RALGPS1: variants seen among roughly 807,000 people sequenced by gnomAD.
RALGPS1 encodes the protein Ral GEF with PH domain and SH3 binding motif 1.
RALGPS1 carries 19 observed loss-of-function variants against 78.8 expected under a neutral mutation model. The ratio of observed to expected loss-of-function variants is 0.24; its 90% CI spans 0.17 to 0.35. The LOEUF (loss-of-function observed/expected upper bound fraction) is 0.35, where lower values mean the gene tolerates loss of function less well. Ranked by LOEUF, RALGPS1 falls within the 10% of genes least tolerant of loss-of-function variation. The probability of loss-of-function intolerance (pLI) is 1.00; values close to 1 mark genes in which losing one functional copy is unlikely to be tolerated. For synonymous variants in RALGPS1, 228 were observed against 256.3 expected (o/e 0.89, Z 1.06); for missense variants, 454 against 688.3 (o/e 0.66, Z 3.81).
rs774885766 is a variant in RALGPS1, at chr9:127,108,544, T to A, written c.610+39188T>A. The A allele has an allele frequency of 6.2e-7, 1 of 1,613,440 alleles. No homozygotes were observed. The highest frequency in any genetic ancestry group is 8.5e-7 in the Non-Finnish European group (1 of 1,179,846). On this transcript the variant is annotated intron_variant, in intron 8 of 18. Transcript: ENST00000259351. ...GACGCAGATGGCACCCGTGACCCGC[T>A]GCTGGGGCACAATGAAGGTGTAGGT...
intron 8 of RALGPS1, among the ~76,000 whole-genome samples, chr9:127,128,918 G>A (rs1338799546): frequency 6.6e-6 from 1 of 152,180 alleles, no homozygotes; most frequent in African/African-American, 2.4e-5. Flanking sequence ...ATAACAGGAT[G>A]CATGCTTGGG....
At chr9:127,097,815 A>G (rs2053300108) in intron 8 of RALGPS1, among the ~76,000 whole-genome samples, 2 of 152,196 alleles carry the variant, frequency 1.3e-5, no homozygotes, top group African/African-American at 4.8e-5. Context: ...GAGACTCCAC[A>G]CTTGGAGTCA....
Position 127,091,973 on chromosome 9 carries a change from G to GCCTGCAGCA in RALGPS1, c.610+22626_610+22634dup. 6.2e-7 allele frequency: 1 copy of GCCTGCAGCA among 1,604,624 alleles called. No individual in the cohort carries two copies. Among genetic ancestry groups the GCCTGCAGCA allele is most frequent in the Non-Finnish European group, 8.5e-7 (1 of 1,173,724 alleles). ...AAACCCAGGAGAGTGTTAATGTGGAGCCTGCAGCACCTGCAGCCAGCAGGC... is the reference window on the plus strand; with the variant it reads ...AAACCCAGGAGAGTGTTAATGTGGAGCCTGCAGCACCTGCAGCACCTGCAGCCAGCAGGC... On this transcript the variant is annotated intron_variant, in intron 8 of 18. Coordinates refer to ENST00000259351, the MANE Select transcript of RALGPS1 (RefSeq NM_014636.3). The surrounding 1 kb of genome is among the most constrained non-coding windows in gnomAD (Gnocchi z 4.3).
chr9:127,188,244 A>G (rs1163366903), intron 11 of RALGPS1, among the ~76,000 whole-genome samples: 1 of 151,732 alleles, frequency 6.6e-6, no homozygotes, highest in Non-Finnish European at 1.5e-5. Flanking sequence ...TGTGTTTTTT[A>G]GTAGAGACAG....
chr9:127,063,081 A>G (rs1317136630), intron 7 of RALGPS1, among the ~76,000 whole-genome samples: 1 of 152,224 alleles, frequency 6.6e-6, no homozygotes, highest in East Asian at 1.9e-4. Context: ...GCTAAAAAAT[A>G]TTTCCATGTA....
intron 7 of RALGPS1, among the ~76,000 whole-genome samples, chr9:127,067,364 C>T (rs757211539): frequency 1.8e-4 from 28 of 152,222 alleles, no homozygotes; most frequent in South Asian, 4.1e-4. Flanking sequence ...TCTGCCTCTC[C>T]TTACCGAAGT....
chr9:127,200,442 G>C (rs2061572140), intron 14 of RALGPS1, among the ~76,000 whole-genome samples: 1 of 152,222 alleles, frequency 6.6e-6, no homozygotes, highest in Non-Finnish European at 1.5e-5. Flanking sequence ...TGACTTACTT[G>C]CTCCACACTC....
chr9:126,917,501 A>C (rs2034294876), intron 1 of RALGPS1, among the ~76,000 whole-genome samples: 1 of 152,208 alleles, frequency 6.6e-6, no homozygotes, highest in Non-Finnish European at 1.5e-5. Flanking sequence ...CAGACTTGGA[A>C]GTCAGTCAGG....
At chr9:126,929,039 T>G (rs2035565491) in intron 1 of RALGPS1, among the ~76,000 whole-genome samples, 1 of 152,214 alleles carries the variant, frequency 6.6e-6, no homozygotes, top group Non-Finnish European at 1.5e-5. Flanking sequence ...GATAAGGTGC[T>G]TAGCAAAGTA....
At chr9:127,003,444 C>A (rs377131762) in intron 4 of RALGPS1, among the ~76,000 whole-genome samples, 2,564 of 149,296 alleles carry the variant, frequency 0.017, 29 homozygotes, top group Middle Eastern at 0.032. Flanking sequence ...CCAAAAAACA[C>A]ATGAAAAAAT....
rs546438541 is a variant in RALGPS1 at position 127,055,685 on chromosome 9, G to C, written c.483+2746G>C. Among the ~76,000 whole-genome samples, 201 of 152,284 alleles carry C rather than the reference G, an allele frequency of 1.3e-3. 3 individuals carry two copies. Among genetic ancestry groups the C allele is most frequent in the South Asian group, 0.011 (51 of 4,822 alleles). On this transcript the variant is annotated intron_variant, in intron 7 of 18. Transcript: ENST00000259351. ...GGCTAGGATCAAACCTAAGCAGCCT[G>C]GCTCCAGAATCCATGCTCTTAACCA...
rs1472954733 is a variant in RALGPS1, at chr9:127,168,666, C to T, written c.749-13C>T. ...AGAGCCTAAAGTTTCTGGATGTGGT[C>T]CACCTTTTGCAGATCACCTCACCAC... is the stretch of plus-strand genomic sequence containing the variant. On this transcript the variant is annotated splice_polypyrimidine_tract_variant and intron_variant, in intron 9 of 18. Coordinates refer to ENST00000259351, the MANE Select transcript of RALGPS1 (RefSeq NM_014636.3). 2 of 1,589,792 alleles carry T rather than the reference C, an allele frequency of 1.3e-6. No individual in the cohort carries two copies. Among genetic ancestry groups the T allele is most frequent in the Non-Finnish European group, 1.7e-6 (2 of 1,157,942 alleles).
At chr9:127,108,795 A>AG (rs1300416974) in intron 8 of RALGPS1, 18 of 1,499,490 alleles carry the variant, frequency 1.2e-5, no homozygotes, top group Non-Finnish European at 3.6e-6. Flanking sequence ...AAGTAAACAG[A>AG]GGGGAGAATC....
chr9:127,184,409 A>G (rs2060501585), intron 11 of RALGPS1: 2 of 279,506 alleles, frequency 7.2e-6, no homozygotes, highest in South Asian at 7.0e-5. Flanking sequence ...TGAGAGCTGC[A>G]TGTATGAGAA....
rs746130607 is a variant in RALGPS1, at chr9:127,069,239, C to G, written c.493C>G (p.Arg165Gly). Residue 165 changes from arginine to glycine, a missense_variant, in exon 8 of 19, where the codon CGA becomes GGA. Physicochemically the swap from Arg to Gly is moderately radical, Grantham distance 125. Coordinates refer to ENST00000259351, the MANE Select transcript of RALGPS1 (RefSeq NM_014636.3). ...RLTKTWALLN[R>G]KDKTTFEKLD... ...TTTCTTCTCATTCTAGCTTTTAAAT[C>G]GAAAAGACAAGACTACCTTTGAGAA... is the stretch of plus-strand genomic sequence containing the variant. The G allele has an allele frequency of 6.2e-7, 1 of 1,605,670 alleles. No homozygotes were observed. Among genetic ancestry groups the G allele is most frequent in the Admixed American group, 1.7e-5 (1 of 59,532 alleles).
chr9:127,087,883 T>C (rs1489166318), intron 8 of RALGPS1: 3 of 152,626 alleles, frequency 2.0e-5, no homozygotes, highest in African/African-American at 7.2e-5. Flanking sequence ...AGATAGGTTA[T>C]TATTTGTGTG....
rs545657182 is a variant in RALGPS1 at position 127,182,853 on chromosome 9, C to A, written c.910+8071C>A. 2.6e-5 allele frequency among the ~76,000 whole-genome samples: 4 copies of A among 152,290 alleles called. No homozygotes were observed. The South Asian group carries it at 8.3e-4, about 32-fold the overall frequency. On this transcript the variant is annotated intron_variant, in intron 11 of 18. Transcript: ENST00000259351. ...CTGTGTTAGGCCATTCTTGCATCAC[C>A]ATAAATAAATACCTGAGGCTGAGTA...
chr9:127,158,859 G>GT (rs2058849591), intron 8 of RALGPS1, among the ~76,000 whole-genome samples: 1 of 148,682 alleles, frequency 6.7e-6, no homozygotes, highest in Non-Finnish European at 1.5e-5. Flanking sequence ...ATTGGTAAGT[G>GT]TTTTTTCTTT....
At chr9:127,023,292 G>C (rs2045640924) in intron 4 of RALGPS1, among the ~76,000 whole-genome samples, 1 of 152,146 alleles carries the variant, frequency 6.6e-6, no homozygotes, top group Non-Finnish European at 1.5e-5. Context: ...TTATGTTCCT[G>C]TCTGTCCCTG....
Sources: allele counts gnomAD v4.1 joint callset (sites outside exome capture counted in the v4.1 genomes callset), GRCh38; gene constraint gnomAD v4.1.1; non-coding constraint Gnocchi (gnomAD v3.1); transcripts MANE v1.5; gene names NCBI Gene and HGNC (gene_info 2026-07-23, HGNC 2026-07-21).